Variants in RANBP17 observed in about 807,000 individuals in gnomAD.
The protein encoded by RANBP17 is RAN binding protein 17.
Under a neutral mutation model 141.2 loss-of-function variants are expected in RANBP17, and 158 were observed. The observed-to-expected ratio is 1.12, with a 90% CI of 0.98 to 1.28. The LOEUF is 1.28. Ranked by LOEUF, RANBP17 falls within the 50% of genes most tolerant of loss-of-function variation. The pLI, the probability that RANBP17 is intolerant of heterozygous loss-of-function variation, is 0.00. For missense variants in RANBP17, 1,438 were observed against 1,290.7 expected (o/e 1.11, Z -1.75); for synonymous variants, 430 against 450.0 (o/e 0.96, Z 0.56).
chr5:170,869,310 A>G (rs1001882526), intron 1 of RANBP17, among the ~76,000 whole-genome samples: 5 of 146,358 alleles, frequency 3.4e-5, no homozygotes, highest in Non-Finnish European at 7.4e-5. Context: ...TTACTTTTCT[A>G]GGGCTCACAA....
At chr5:170,907,669 T>A (rs1237886144) in intron 5 of RANBP17, among the ~76,000 whole-genome samples, 1 of 151,972 alleles carries the variant, frequency 6.6e-6, no homozygotes, top group African/African-American at 2.4e-5. Flanking sequence ...TCAAAACTCA[T>A]GTGTTTTAAA....
At chr5:171,172,889 G>C (rs1442836682) in intron 16 of RANBP17, among the ~76,000 whole-genome samples, 1 of 150,866 alleles carries the variant, frequency 6.6e-6, no homozygotes, top group Non-Finnish European at 1.5e-5. Context: ...TATTTTACAT[G>C]CTGTTTATTG....
intron 14 of RANBP17, among the ~76,000 whole-genome samples, chr5:171,123,622 C>T (rs548999294): frequency 2.6e-5 from 4 of 152,364 alleles, no homozygotes; most frequent in Admixed American, 2.6e-4. Context: ...CGTGCATTCC[C>T]TGGGGGCTCA....
At chr5:171,244,772 A>T (rs564818931) in intron 24 of RANBP17, among the ~76,000 whole-genome samples, 1 of 152,014 alleles carries the variant, frequency 6.6e-6, no homozygotes, top group African/African-American at 2.4e-5. Context: ...TTGAATTTTT[A>T]AATATTTTCC....
chr5:171,244,860 T>G (rs1224171453), intron 24 of RANBP17, among the ~76,000 whole-genome samples: 1 of 152,176 alleles, frequency 6.6e-6, no homozygotes, highest in East Asian at 1.9e-4. Flanking sequence ...GCGCGGTGGC[T>G]CACGCCTGTA....
At chr5:170,954,865 C>T (rs930886943) in intron 13 of RANBP17, among the ~76,000 whole-genome samples, 11 of 152,136 alleles carry the variant, frequency 7.2e-5, no homozygotes, top group African/African-American at 2.7e-4. Context: ...TCCTCTGAAC[C>T]AAGGGTCCCC....
At chr5:171,130,016 G>A (rs1756785365) in intron 14 of RANBP17, among the ~76,000 whole-genome samples, 1 of 152,114 alleles carries the variant, frequency 6.6e-6, no homozygotes, top group Non-Finnish European at 1.5e-5. Flanking sequence ...TGGTGTCAGG[G>A]CTCTACTTTT....
intron 25 of RANBP17, among the ~76,000 whole-genome samples, chr5:171,268,335 C>T (rs1039367536): frequency 6.6e-6 from 1 of 152,106 alleles, no homozygotes; most frequent in Non-Finnish European, 1.5e-5. Flanking sequence ...ATATCAGCAT[C>T]CCCATTTTAC....
chr5:171,203,579 A>G (rs10516080), intron 19 of RANBP17, among the ~76,000 whole-genome samples: 18,383 of 152,110 alleles, frequency 0.12, 1,429 homozygotes, highest in East Asian at 0.16. Flanking sequence ...ATATAATTTC[A>G]TAGCCACATT....
intron 20 of RANBP17, among the ~76,000 whole-genome samples, chr5:171,212,248 G>C (rs1425453365): frequency 2.0e-5 from 3 of 152,106 alleles, no homozygotes; most frequent in Non-Finnish European, 4.4e-5. Flanking sequence ...CTATCTAATG[G>C]GGCAGACAAA....
At chr5:171,195,990 T>C (rs1488768125) in intron 18 of RANBP17, among the ~76,000 whole-genome samples, 3 of 152,190 alleles carry the variant, frequency 2.0e-5, no homozygotes, top group African/African-American at 7.2e-5. Context: ...TCCACAAACA[T>C]TTCTTGAGTG....
At chr5:171,154,898 A>C (rs955760606) in intron 14 of RANBP17, among the ~76,000 whole-genome samples, 6 of 151,702 alleles carry the variant, frequency 4.0e-5, no homozygotes, top group African/African-American at 1.5e-4. Context: ...CAACATAATG[A>C]AACCCTGTCT....
At chr5:170,902,527 G>A (rs928712502) in intron 5 of RANBP17, among the ~76,000 whole-genome samples, 6 of 152,238 alleles carry the variant, frequency 3.9e-5, no homozygotes, top group Middle Eastern at 3.4e-3. Context: ...CTGTCAGTTC[G>A]TCAAACTCAT....
intron 18 of RANBP17, among the ~76,000 whole-genome samples, chr5:171,187,864 T>C (rs1460852543): frequency 6.6e-6 from 1 of 152,214 alleles, no homozygotes; most frequent in Non-Finnish European, 1.5e-5. Flanking sequence ...ATATCATCCT[T>C]AGACAATACC....
At chr5:170,898,954 G>A (rs889635552) in intron 5 of RANBP17, among the ~76,000 whole-genome samples, 3 of 152,166 alleles carry the variant, frequency 2.0e-5, no homozygotes, top group Non-Finnish European at 4.4e-5. Flanking sequence ...CAGGTAGCAT[G>A]ATGCCTCCAG....
intron 14 of RANBP17, among the ~76,000 whole-genome samples, chr5:170,984,637 A>G (rs1451042728): frequency 6.6e-6 from 1 of 152,118 alleles, no homozygotes; most frequent in African/African-American, 2.4e-5. Flanking sequence ...AAAAACAAAA[A>G]CAAAAAAAAA....
At chr5:171,163,145 T>C (rs1759462349) in intron 14 of RANBP17, among the ~76,000 whole-genome samples, 1 of 152,226 alleles carries the variant, frequency 6.6e-6, no homozygotes, top group Admixed American at 6.5e-5. Context: ...TAAATTATGG[T>C]TTTAAAATCA....
At chr5:170,983,883 T>C (rs1019113384) in intron 14 of RANBP17, among the ~76,000 whole-genome samples, 1 of 152,088 alleles carries the variant, frequency 6.6e-6, no homozygotes, top group African/African-American at 2.4e-5. Flanking sequence ...GAAGAATTAG[T>C]TGAAGCTGCT....
At chr5:170,880,183 A>G (rs945390925) in intron 2 of RANBP17, among the ~76,000 whole-genome samples, 3 of 152,320 alleles carry the variant, frequency 2.0e-5, no homozygotes, top group South Asian at 4.1e-4. Flanking sequence ...ATAGAGGCCA[A>G]TTCTTTAGTT....
Sources: gnomAD v4.1 joint callset for allele counts (sites outside exome capture counted in the v4.1 genomes callset) on GRCh38, gnomAD v4.1.1 for gene constraint, MANE v1.5 for transcripts, NCBI Gene and HGNC (gene_info 2026-07-23, HGNC 2026-07-21) for gene names.